The following KCNJ6 variants were observed in gnomAD, a reference collection of about 807,000 sequenced individuals.
The protein encoded by KCNJ6 is G protein-activated inward rectifier potassium channel 2.
Under a neutral mutation model 34.2 loss-of-function variants are expected in KCNJ6, and 9 were observed. The ratio of observed to expected loss-of-function variants is 0.26; its 90% confidence interval spans 0.16 to 0.46. The LOEUF (loss-of-function observed/expected upper bound fraction) is 0.46, where lower values mean the gene tolerates loss of function less well. Ranked by LOEUF, KCNJ6 falls within the 20% of genes least tolerant of loss-of-function variation. The probability of loss-of-function intolerance (pLI) is 1.00; values close to 1 mark genes in which losing one functional copy is unlikely to be tolerated. For missense variants in KCNJ6, 236 were observed against 531.3 expected, an observed-to-expected ratio of 0.44 and a Z score of 5.46; for synonymous variants, 196 against 207.1, an observed-to-expected ratio of 0.95 and a Z score of 0.46.
At chr21:37,885,561 G>C (rs1352250524) in intron 1 of KCNJ6, among the ~76,000 whole-genome samples, 1 of 152,220 alleles carries the variant, frequency 6.6e-6, no homozygotes, top group African/African-American at 2.4e-5. Context: ...TTTGAAACAT[G>C]AGAGGGATTC....
chr21:37,826,118 C>T (rs1282852881), intron 2 of KCNJ6, among the ~76,000 whole-genome samples: 1 of 152,186 alleles, frequency 6.6e-6, no homozygotes, highest in African/African-American at 2.4e-5. Context: ...TTCTCTAAGT[C>T]TTCCTTAATC....
Position 37,793,139 on chromosome 21 carries a change from A to C in KCNJ6, c.25+47519T>G, listed in dbSNP as rs570537236. Among the ~76,000 whole-genome samples, 3 of 152,340 alleles carry C rather than the reference A, an allele frequency of 2.0e-5. No individual in the cohort carries two copies. In the East Asian group the frequency reaches 5.8e-4, roughly 29 times the overall value. The stretch of plus-strand genomic sequence containing the variant: ...AAGCTGGAAGGAATTTAGAGTTAGA[A>C]AATCTTCATGGTTGAAGTGTTATTT... On this transcript the variant is annotated intron_variant, in intron 2 of 3. Transcript: ENST00000609713.
At chr21:37,626,428 C>G (rs1260696451) in intron 3 of KCNJ6, among the ~76,000 whole-genome samples, 1 of 152,204 alleles carries the variant, frequency 6.6e-6, no homozygotes, top group Non-Finnish European at 1.5e-5. Context: ...GCCACTGCTC[C>G]TGGCCACTTT....
chr21:37,729,340 G>T (rs550435939), intron 2 of KCNJ6, among the ~76,000 whole-genome samples: 8 of 151,838 alleles, frequency 5.3e-5, no homozygotes, highest in African/African-American at 1.5e-4. Context: ...TTTTTGGGGG[G>T]GGGGGCAGGG....
At chr21:37,733,307 T>C (rs1397750242) in intron 2 of KCNJ6, among the ~76,000 whole-genome samples, 1 of 151,338 alleles carries the variant, frequency 6.6e-6, no homozygotes, top group Admixed American at 6.6e-5. Flanking sequence ...TCTGTGTTGT[T>C]CTGGAGAAAT....
intron 3 of KCNJ6, among the ~76,000 whole-genome samples, chr21:37,707,050 TCTGA>T (rs1314164841): frequency 2.6e-5 from 4 of 152,230 alleles, no homozygotes; most frequent in Non-Finnish European, 5.9e-5. Flanking sequence ...CAAAGTCCCT[TCTGA>T]CTGAGTCCAG....
rs1452664639 is a variant in KCNJ6, at chr21:37,712,341, C to T, written c.946+1870G>A. On this transcript the variant is annotated intron_variant, in intron 3 of 3. Coordinates refer to ENST00000609713, the MANE Select transcript of KCNJ6 (RefSeq NM_002240.5). ...GTGTCAGAGGCTGTAGCTCTGTGGCCGCTAGGGGGATCCAGAGTCCCTGTG... is the reference window on the plus strand; with the variant it reads ...GTGTCAGAGGCTGTAGCTCTGTGGCTGCTAGGGGGATCCAGAGTCCCTGTG... 2.6e-5 allele frequency among the ~76,000 whole-genome samples: 4 copies of T among 152,210 alleles called. No homozygotes were observed. The South Asian group carries it at 6.2e-4, about 24-fold the overall frequency.
chr21:37,649,564 G>A (rs1164122919), intron 3 of KCNJ6, among the ~76,000 whole-genome samples: 3 of 152,282 alleles, frequency 2.0e-5, no homozygotes, highest in Non-Finnish European at 2.9e-5. Context: ...GGCTGTCTGC[G>A]GCACCACCGC....
intron 2 of KCNJ6, among the ~76,000 whole-genome samples, chr21:37,723,112 C>A (rs760461917): frequency 6.6e-6 from 1 of 152,072 alleles, no homozygotes; most frequent in Non-Finnish European, 1.5e-5. Context: ...AACAAGTGGG[C>A]AACAGACATA....
chr21:37,820,758 ATTATT>A (rs2055369675), intron 2 of KCNJ6, among the ~76,000 whole-genome samples: 1 of 152,176 alleles, frequency 6.6e-6, no homozygotes, highest in Non-Finnish European at 1.5e-5. Flanking sequence ...AAAGCTTATT[ATTATT>A]TTATTTGCTT....
chr21:37,837,807 TGATA>T (rs924077330), intron 2 of KCNJ6, among the ~76,000 whole-genome samples: 6 of 152,148 alleles, frequency 3.9e-5, no homozygotes, highest in Non-Finnish European at 8.8e-5. Flanking sequence ...CTCAGCCTAC[TGATA>T]GAATATCCTT....
At chr21:37,657,481 G>A (rs908817045) in intron 3 of KCNJ6, among the ~76,000 whole-genome samples, 1 of 152,138 alleles carries the variant, frequency 6.6e-6, no homozygotes, top group African/African-American at 2.4e-5. Context: ...TGAGACAGGT[G>A]AGGGTCTGCC....
intron 1 of KCNJ6, among the ~76,000 whole-genome samples, chr21:37,870,677 C>A (rs2055647204): frequency 6.6e-6 from 1 of 151,174 alleles, no homozygotes; most frequent in Admixed American, 6.6e-5. Context: ...GTACACAGTA[C>A]AATGTATGCC....
intron 2 of KCNJ6, among the ~76,000 whole-genome samples, chr21:37,812,461 A>G (rs2055327625): frequency 6.6e-6 from 1 of 152,214 alleles, no homozygotes; most frequent in Admixed American, 6.5e-5. Context: ...AAGACACATT[A>G]AAAAAAGAAA....
Position 37,894,269 on chromosome 21 carries a change from G to A in KCNJ6, c.-28+21615C>T, listed in dbSNP as rs372434152. On this transcript the variant is annotated intron_variant, in intron 1 of 3. Coordinates refer to ENST00000609713, the MANE Select transcript of KCNJ6 (RefSeq NM_002240.5). ...GCTTGCTGGAAAATGCAGAATCCCA[G>A]GCCCCACCCCCGATCTACTGAACCA... is the stretch of plus-strand genomic sequence containing the variant. Among the ~76,000 whole-genome samples, 25 of 152,274 alleles carry A rather than the reference G, an allele frequency of 1.6e-4. 1 individual carries two copies. The highest frequency in any genetic ancestry group is 5.3e-4 in the African/African-American group (22 of 41,550).
chr21:37,745,273 A>ATTATTTAT (rs1054100129), intron 2 of KCNJ6, among the ~76,000 whole-genome samples: 1 of 151,700 alleles, frequency 6.6e-6, no homozygotes, highest in South Asian at 2.1e-4. Context: ...TTTGTTATGT[A>ATTATTTAT]TTATTTATTT....
intron 2 of KCNJ6, among the ~76,000 whole-genome samples, chr21:37,760,777 T>A (rs759845474): frequency 9.9e-5 from 15 of 152,190 alleles, no homozygotes; most frequent in Non-Finnish European, 4.4e-5. Context: ...ATGGGAGGCC[T>A]GGGATAGAGA....
intron 3 of KCNJ6, among the ~76,000 whole-genome samples, chr21:37,667,532 G>A (rs2054521202): frequency 6.6e-6 from 1 of 150,790 alleles, no homozygotes; most frequent in Non-Finnish European, 1.5e-5. Flanking sequence ...CCGGGGTAGC[G>A]GGGTCCGGGG....
chr21:37,733,912 A>G (rs2054899703), intron 2 of KCNJ6, among the ~76,000 whole-genome samples: 1 of 152,184 alleles, frequency 6.6e-6, no homozygotes, highest in African/African-American at 2.4e-5. Context: ...TTCATTTCTC[A>G]GACAACTTGG....
Sources: gnomAD v4.1 joint callset for allele counts (sites outside exome capture counted in the v4.1 genomes callset) on GRCh38, gnomAD v4.1.1 for gene constraint, MANE v1.5 for transcripts, NCBI Gene and HGNC (gene_info 2026-07-23, HGNC 2026-07-21) for gene names.